KCNIP4: variants seen among roughly 807,000 people sequenced by gnomAD.
KCNIP4 encodes the protein potassium voltage-gated channel interacting protein 4, also known as Kv channel-interacting protein 4.
KCNIP4 carries 12 observed loss-of-function variants against 34.0 expected under a neutral mutation model. The observed-to-expected ratio is 0.35, with a 90% CI of 0.23 to 0.57. The LOEUF is 0.57. Among genes scored for constraint, KCNIP4 ranks in the 20% least tolerant of loss-of-function variants. KCNIP4 has a pLI of 0.83. For missense variants in KCNIP4, 238 were observed against 311.7 expected, an observed-to-expected ratio of 0.76 and a Z score of 1.78; for synonymous variants, 124 against 102.2, an observed-to-expected ratio of 1.21 and a Z score of -1.29.
At chr4:21,343,761 G>A (rs190495734) in intron 1 of KCNIP4, among the ~76,000 whole-genome samples, 1 of 152,024 alleles carries the variant, frequency 6.6e-6, no homozygotes, top group African/African-American at 2.4e-5. Flanking sequence ...TGTAGATTCC[G>A]ACGCAGGCTC....
At chr4:21,061,295 C>A (rs1324655196) in intron 1 of KCNIP4, among the ~76,000 whole-genome samples, 1 of 152,022 alleles carries the variant, frequency 6.6e-6, no homozygotes, top group Non-Finnish European at 1.5e-5. Flanking sequence ...GAGATAGGAT[C>A]ACATTTATTC....
chr4:21,055,911 C>A (rs1304993131), intron 1 of KCNIP4, among the ~76,000 whole-genome samples: 1 of 152,156 alleles, frequency 6.6e-6, no homozygotes, highest in African/African-American at 2.4e-5. Flanking sequence ...TGTACAATAT[C>A]TAGAGTGAAC....
intron 8 of KCNIP4, 64 bp downstream of exon 8, chr4:20,731,939 AGCT>A: frequency 6.3e-7 from 1 of 1,597,748 alleles, no homozygotes; most frequent in African/African-American, 1.3e-5. Flanking sequence ...CATGGTAGCT[AGCT>A]GCTAATACTC....
intron 3 of KCNIP4, among the ~76,000 whole-genome samples, chr4:20,768,371 C>T (rs1164441207): frequency 6.6e-6 from 1 of 152,054 alleles, no homozygotes; most frequent in African/African-American, 2.4e-5. Flanking sequence ...TGACTATGAT[C>T]GCAGAAATTA....
At chr4:21,890,676 C>G (rs1727040504) in intron 1 of KCNIP4, among the ~76,000 whole-genome samples, 3 of 152,056 alleles carry the variant, frequency 2.0e-5, no homozygotes, top group Non-Finnish European at 4.4e-5. Flanking sequence ...TTGTATTAAG[C>G]ACATCATGTC....
At chr4:21,294,628 C>A (rs895216404) in intron 1 of KCNIP4, among the ~76,000 whole-genome samples, 11 of 151,978 alleles carry the variant, frequency 7.2e-5, no homozygotes, top group African/African-American at 2.2e-4. Context: ...AGGTCCTCAC[C>A]TAGAATATAA....
In KCNIP4 at chr4:21,610,503, C is replaced by T. The variant is rs187248589; in HGVS notation, c.61+338068G>A. 2.9e-3 allele frequency among the ~76,000 whole-genome samples: 444 copies of T among 152,230 alleles called. 1 individual carries two copies. Among genetic ancestry groups the T allele is most frequent in the Middle Eastern group, 6.8e-3 (2 of 294 alleles). On this transcript the variant is annotated intron_variant, in intron 1 of 8. Transcript: ENST00000382152. ...TATAGTTTCATTTGAGGTACTGGAACGTATTATAATCTTTCTTTTTGTGAG... is the reference window on the plus strand; with the variant it reads ...TATAGTTTCATTTGAGGTACTGGAATGTATTATAATCTTTCTTTTTGTGAG...
chr4:21,575,712 G>C (rs138435043), intron 1 of KCNIP4, among the ~76,000 whole-genome samples: 1 of 152,038 alleles, frequency 6.6e-6, no homozygotes, highest in African/African-American at 2.4e-5. Flanking sequence ...TGCAATCTTC[G>C]TGTGATAGTT....
At chr4:20,868,781 C>T (rs562035263) in intron 2 of KCNIP4, among the ~76,000 whole-genome samples, 1 of 152,174 alleles carries the variant, frequency 6.6e-6, no homozygotes, top group East Asian at 1.9e-4. Context: ...GAGAGTTAAA[C>T]ATTGAACACG....
intron 1 of KCNIP4, among the ~76,000 whole-genome samples, chr4:21,736,383 C>G (rs189044677): frequency 3.9e-5 from 6 of 152,156 alleles, no homozygotes; most frequent in African/African-American, 1.4e-4. Context: ...CCCTGTAATA[C>G]TCTTCTACTT....
chr4:21,255,843 G>C (rs2109090062), intron 1 of KCNIP4, among the ~76,000 whole-genome samples: 1 of 152,244 alleles, frequency 6.6e-6, no homozygotes, highest in South Asian at 2.1e-4. Flanking sequence ...GAAGAAACAT[G>C]TTGACAATAA....
intron 1 of KCNIP4, among the ~76,000 whole-genome samples, chr4:21,523,779 T>C (rs949462965): frequency 1.3e-5 from 2 of 151,888 alleles, no homozygotes; most frequent in Non-Finnish European, 2.9e-5. Context: ...TGCTAGGTTG[T>C]CCAGGCTGGT....
At chr4:21,875,696 G>T (rs1413200962) in intron 1 of KCNIP4, among the ~76,000 whole-genome samples, 6 of 152,106 alleles carry the variant, frequency 3.9e-5, no homozygotes, top group Non-Finnish European at 8.8e-5. Context: ...TACGATTTTT[G>T]ATTATTTGAT....
At chr4:21,134,285 C>T (rs1751329163) in intron 1 of KCNIP4, among the ~76,000 whole-genome samples, 1 of 152,146 alleles carries the variant, frequency 6.6e-6, no homozygotes, top group South Asian at 2.1e-4. Flanking sequence ...TGATCCACTT[C>T]CATTTAAAAA....
chr4:21,558,938 T>G (rs1002792766), intron 1 of KCNIP4, among the ~76,000 whole-genome samples: 1 of 152,168 alleles, frequency 6.6e-6, no homozygotes, highest in African/African-American at 2.4e-5. Flanking sequence ...TGCTGTGAAG[T>G]GTATTTCAAG....
intron 1 of KCNIP4, among the ~76,000 whole-genome samples, chr4:21,820,203 AAAC>A (rs1398096336): frequency 6.0e-5 from 9 of 150,454 alleles, no homozygotes; most frequent in Non-Finnish European, 1.0e-4. Flanking sequence ...TCTATGTAAT[AAAC>A]AATATACAGT....
In KCNIP4 at chr4:21,392,112, T is replaced by C. The variant is rs549406579; in HGVS notation, c.62-509403A>G. Reference sequence around the variant, plus strand: ...CATACATCTTGCAGGAGATAGACTCTTCTGCTAATGACAATAAATGGAAGG... The same window carrying C: ...CATACATCTTGCAGGAGATAGACTCCTCTGCTAATGACAATAAATGGAAGG... On this transcript the variant is annotated intron_variant, in intron 1 of 8. Coordinates refer to ENST00000382152, the MANE Select transcript of KCNIP4 (RefSeq NM_025221.6). Among the ~76,000 whole-genome samples the C allele has an allele frequency of 1.3e-5, 2 of 152,298 alleles. 1 individual carries two copies. The highest frequency in any genetic ancestry group is 1.3e-4 in the Admixed American group (2 of 15,288).
chr4:21,937,742 T>C (rs962860757), intron 1 of KCNIP4, among the ~76,000 whole-genome samples: 8 of 151,920 alleles, frequency 5.3e-5, no homozygotes, highest in Non-Finnish European at 8.8e-5. Flanking sequence ...AAACTGAGAG[T>C]TGCTCTTGTC....
intron 1 of KCNIP4, among the ~76,000 whole-genome samples, chr4:21,757,696 G>A (rs1469096833): frequency 6.6e-6 from 1 of 152,042 alleles, no homozygotes; most frequent in Non-Finnish European, 1.5e-5. Context: ...TTTTGCCCTT[G>A]TAAAGTAGAA....
Sources: gnomAD v4.1 joint callset for allele counts (sites outside exome capture counted in the v4.1 genomes callset) on GRCh38, gnomAD v4.1.1 for gene constraint, MANE v1.5 for transcripts, NCBI Gene and HGNC (gene_info 2026-07-23, HGNC 2026-07-21) for gene names.